DRC11: variants seen among roughly 807,000 people sequenced by gnomAD.
DRC11 encodes dynein regulatory complex subunit 11, also known as IQ and AAA domain-containing protein 1.
chr2:236,421,579 AC>A, the DRC11 span, among the ~76,000 whole-genome samples: 6 of 152,296 alleles, frequency 3.9e-5, no homozygotes, highest in Non-Finnish European at 7.4e-5. Flanking sequence ...TAGCTTACCA[AC>A]CAAAAAAAGT....
chr2:236,459,576 C>CGT, the DRC11 span, among the ~76,000 whole-genome samples: 14 of 126,236 alleles, frequency 1.1e-4, no homozygotes, highest in African/African-American at 3.1e-4. Context: ...TATGTGTATA[C>CGT]ATACGTATAT....
At chr2:236,375,046 A>G in the DRC11 span, among the ~76,000 whole-genome samples, 1 of 151,864 alleles carries the variant, frequency 6.6e-6, no homozygotes, top group Non-Finnish European at 1.5e-5. The surrounding 1 kb of genome is among the most constrained non-coding windows in gnomAD (Gnocchi z 4.2). Flanking sequence ...ACTCACTACC[A>G]TGAGGAAAGT....
At chr2:236,430,298 CTT>C in the DRC11 span, among the ~76,000 whole-genome samples, 3 of 152,092 alleles carry the variant, frequency 2.0e-5, no homozygotes, top group African/African-American at 4.8e-5. The surrounding 1 kb of genome is among the most constrained non-coding windows in gnomAD (Gnocchi z 6.0). Context: ...GAAGTTGTCT[CTT>C]TTTTAAACCA....
At chr2:236,375,533 C>T in the DRC11 span, among the ~76,000 whole-genome samples, 3 of 152,142 alleles carry the variant, frequency 2.0e-5, no homozygotes, top group Non-Finnish European at 4.4e-5. This position sits in a 1 kb window ranked among gnomAD's most constrained non-coding sequence, Gnocchi z 4.2. Flanking sequence ...TAAATAGAAA[C>T]CCAAAACATA....
chr2:236,386,543 T>A, the DRC11 span, among the ~76,000 whole-genome samples: 1 of 152,164 alleles, frequency 6.6e-6, no homozygotes, highest in African/African-American at 2.4e-5. Context: ...TCTATTTGAT[T>A]CTTCTCTCTT....
At chr2:236,486,149 G>C in the DRC11 span, among the ~76,000 whole-genome samples, 2 of 152,198 alleles carry the variant, frequency 1.3e-5, no homozygotes, top group African/African-American at 4.8e-5. This position sits in a 1 kb window ranked among gnomAD's most constrained non-coding sequence, Gnocchi z 5.7. Flanking sequence ...GCTGCCTACA[G>C]CTAACAGCTG....
the DRC11 span, among the ~76,000 whole-genome samples, chr2:236,472,197 C>T: frequency 3.3e-5 from 5 of 152,188 alleles, no homozygotes; most frequent in Admixed American, 6.5e-5. The surrounding 1 kb of genome is among the most constrained non-coding windows in gnomAD (Gnocchi z 4.6). Context: ...TCTCCTCACT[C>T]AGGTGTCTGA....
chr2:236,473,329 A>T, the DRC11 span, among the ~76,000 whole-genome samples: 2 of 152,208 alleles, frequency 1.3e-5, no homozygotes, highest in African/African-American at 2.4e-5. This position sits in a 1 kb window ranked among gnomAD's most constrained non-coding sequence, Gnocchi z 4.8. Context: ...GTCTCGGGAG[A>T]GGGCCACGCT....
the DRC11 span, among the ~76,000 whole-genome samples, chr2:236,355,335 C>T: frequency 3.3e-5 from 5 of 152,318 alleles, no homozygotes; most frequent in South Asian, 4.1e-4. Flanking sequence ...GCTATGTGGG[C>T]GCTCTCTGCA....
chr2:236,331,573 C>A, the DRC11 span: 1 of 1,613,508 alleles, frequency 6.2e-7, no homozygotes, highest in Non-Finnish European at 8.5e-7. The surrounding 1 kb of genome is among the most constrained non-coding windows in gnomAD (Gnocchi z 4.8). Context: ...TCCTCCATTG[C>A]GTTCAATGAT....
chr2:236,358,442 T>C, the DRC11 span, among the ~76,000 whole-genome samples: 1 of 135,528 alleles, frequency 7.4e-6, no homozygotes, highest in Non-Finnish European at 1.6e-5. Flanking sequence ...CATATATAAA[T>C]ATACATATAA....
At chr2:236,330,934 G>A in the DRC11 span, among the ~76,000 whole-genome samples, 132 of 152,234 alleles carry the variant, frequency 8.7e-4, 1 homozygote, top group East Asian at 9.9e-3. This position sits in a 1 kb window ranked among gnomAD's most constrained non-coding sequence, Gnocchi z 5.5. Flanking sequence ...GCTTCCTATC[G>A]CAAATGAACT....
At chr2:236,472,140 C>T in the DRC11 span, among the ~76,000 whole-genome samples, 2 of 152,100 alleles carry the variant, frequency 1.3e-5, no homozygotes, top group East Asian at 1.9e-4. This position sits in a 1 kb window ranked among gnomAD's most constrained non-coding sequence, Gnocchi z 4.6. Context: ...CCTAGAGTGG[C>T]CTTTTGAAAC....
chr2:236,425,234 A>G, the DRC11 span, among the ~76,000 whole-genome samples: 1 of 151,984 alleles, frequency 6.6e-6, no homozygotes, highest in East Asian at 1.9e-4. Flanking sequence ...AGGAACTTCC[A>G]CACTGTTTTC....
the DRC11 span, among the ~76,000 whole-genome samples, chr2:236,467,689 C>T: frequency 4.6e-5 from 7 of 151,996 alleles, 1 homozygote; most frequent in South Asian, 1.5e-3. Context: ...GGTAAGAGAA[C>T]AACATTAAAG....
the DRC11 span, among the ~76,000 whole-genome samples, chr2:236,319,391 A>G: frequency 6.3e-4 from 96 of 152,368 alleles, no homozygotes; most frequent in Admixed American, 2.2e-3. This position sits in a 1 kb window ranked among gnomAD's most constrained non-coding sequence, Gnocchi z 6.7. Context: ...CCCAGGCTGC[A>G]GCTGGGATGA....
chr2:236,324,905 T>A, the DRC11 span: 1 of 670,194 alleles, frequency 1.5e-6, no homozygotes, highest in Non-Finnish European at 2.6e-6. The surrounding 1 kb of genome is among the most constrained non-coding windows in gnomAD (Gnocchi z 5.7). Flanking sequence ...TTTGGGCATT[T>A]AAGGTATGCT....
the DRC11 span, among the ~76,000 whole-genome samples, chr2:236,464,143 T>C: frequency 1.3e-5 from 2 of 152,336 alleles, no homozygotes; most frequent in South Asian, 2.1e-4. Flanking sequence ...TCTAGCCGTA[T>C]CCTTGTCTTT....
At chr2:236,357,105 TTA>T in the DRC11 span, among the ~76,000 whole-genome samples, 36 of 131,636 alleles carry the variant, frequency 2.7e-4, no homozygotes, top group Middle Eastern at 4.3e-3. Flanking sequence ...TATTCGTATA[TTA>T]TATATCTATA....
Sources: allele counts gnomAD v4.1 joint callset (sites outside exome capture counted in the v4.1 genomes callset), GRCh38; gene constraint gnomAD v4.1.1; non-coding constraint Gnocchi (gnomAD v3.1); transcripts MANE v1.5; gene names NCBI Gene and HGNC (gene_info 2026-07-23, HGNC 2026-07-21).